The following BCLAF3 variants were observed in gnomAD, a reference collection of about 807,000 sequenced individuals.
BCLAF3 encodes transient octamer binding factor 1.
BCLAF3 carries 24 observed loss-of-function variants against 51.2 expected under a neutral mutation model. The observed-to-expected ratio is 0.47, with a 90% CI of 0.34 to 0.66. The LOEUF (loss-of-function observed/expected upper bound fraction) is 0.66. BCLAF3 is among the 30% of genes least tolerant of loss of function. The pLI is 0.01. For missense variants in BCLAF3, 465 were observed against 525.1 expected (o/e 0.89, Z 1.12); for synonymous variants, 152 against 176.6 (o/e 0.86, Z 1.10).
At chrX:19,976,651 A>G (rs756953430) in intron 1 of BCLAF3, among the ~76,000 whole-genome samples, 1 of 111,906 alleles carries the variant, frequency 8.9e-6, no homozygotes, top group Admixed American at 9.5e-5. Context: ...TCAGTCTCCC[A>G]AAGTGCTGAG....
At chrX:19,979,662 AC>A (rs1190130095) in intron 1 of BCLAF3, among the ~76,000 whole-genome samples, 3 of 110,872 alleles carry the variant, frequency 2.7e-5, no homozygotes, top group Admixed American at 9.8e-5. Flanking sequence ...TAAAAAACCT[AC>A]CTTGAATCAG....
intron 1 of BCLAF3, among the ~76,000 whole-genome samples, chrX:19,976,878 G>A (rs769444107): frequency 1.8e-5 from 2 of 111,550 alleles, no homozygotes; most frequent in Admixed American, 9.5e-5. Flanking sequence ...TGCATTGAAC[G>A]AGTCTATCAG....
chrX:19,961,595 G>GA (rs747198210), intron 4 of BCLAF3, among the ~76,000 whole-genome samples: 48 of 110,284 alleles, frequency 4.4e-4, no homozygotes, highest in South Asian at 1.5e-3. Context: ...CTCTTTTCTA[G>GA]AAAAAAAAAT....
At chrX:19,978,759 A>ATT (rs57157445) in intron 1 of BCLAF3, among the ~76,000 whole-genome samples, 99 of 104,813 alleles carry the variant, frequency 9.4e-4, no homozygotes, top group African/African-American at 3.1e-3. Flanking sequence ...TCTCTTATTT[A>ATT]TTTTTTTTTT....
chrX:19,973,387 T>C (rs1237259641), intron 1 of BCLAF3, among the ~76,000 whole-genome samples: 2 of 111,866 alleles, frequency 1.8e-5, no homozygotes, highest in Admixed American at 1.9e-4. Flanking sequence ...GTTTTATTTA[T>C]AATAGGAAAG....
intron 8 of BCLAF3, among the ~76,000 whole-genome samples, chrX:19,938,838 A>G (rs2070883344): frequency 1.8e-5 from 2 of 112,869 alleles, no homozygotes; most frequent in Non-Finnish European, 3.7e-5. Context: ...CTCTTCAAGG[A>G]AGAGTTTCCT....
At chrX:19,963,779 C>T (rs768238362) in intron 4 of BCLAF3, among the ~76,000 whole-genome samples, 1 of 111,084 alleles carries the variant, frequency 9.0e-6, no homozygotes, top group African/African-American at 3.3e-5. Context: ...TCTGGGAGGC[C>T]GAGGCGAGAG....
intron 1 of BCLAF3, among the ~76,000 whole-genome samples, chrX:19,988,555 C>G (rs990798272): frequency 9.0e-6 from 1 of 111,563 alleles, no homozygotes; most frequent in African/African-American, 3.3e-5. Context: ...GAGAATCGCT[C>G]GAGCTCAGGA....
intron 11 of BCLAF3, among the ~76,000 whole-genome samples, chrX:19,926,204 A>C (rs1032736954): frequency 8.9e-6 from 1 of 111,736 alleles, no homozygotes; most frequent in African/African-American, 3.3e-5. Flanking sequence ...AATTTAAAAA[A>C]AAATCCAGTG....
At chrX:19,953,677 C>T in intron 6 of BCLAF3, 101 bp downstream of exon 6, 1 of 544,651 alleles carries the variant, frequency 1.8e-6, no homozygotes, top group Non-Finnish European at 2.9e-6. Context: ...CAGTCTACAG[C>T]AAGCCCAAGT....
chrX:19,933,313 C>T (rs181556228), intron 10 of BCLAF3, among the ~76,000 whole-genome samples: 42 of 111,934 alleles, frequency 3.8e-4, no homozygotes, highest in African/African-American at 1.3e-3. Flanking sequence ...AAGACTTGCC[C>T]ACAGAAATAG....
At chrX:19,933,638 C>T (rs1171860826) in intron 10 of BCLAF3, among the ~76,000 whole-genome samples, 4 of 112,511 alleles carry the variant, frequency 3.6e-5, no homozygotes, top group African/African-American at 9.7e-5. Context: ...AGACTATCTG[C>T]ACAAACTTGA....
intron 10 of BCLAF3, among the ~76,000 whole-genome samples, chrX:19,934,218 A>AT (rs917676090): frequency 2.7e-5 from 3 of 112,400 alleles, no homozygotes; most frequent in African/African-American, 9.7e-5. Flanking sequence ...TCTTGAAAAC[A>AT]TTTTTCTATG....
chrX:19,951,069 C>T (rs2071458092), intron 7 of BCLAF3, among the ~76,000 whole-genome samples: 1 of 111,164 alleles, frequency 9.0e-6, no homozygotes, highest in Non-Finnish European at 1.9e-5. Flanking sequence ...AACCAGGATT[C>T]CCACTTGTGG....
intron 4 of BCLAF3, among the ~76,000 whole-genome samples, chrX:19,962,610 T>A (rs1308038781): frequency 8.9e-6 from 1 of 112,331 alleles, no homozygotes; most frequent in Non-Finnish European, 1.9e-5. Context: ...TGTACTGACA[T>A]CTGCAACTTA....
At chrX:19,989,119 T>C (rs376169627) in intron 1 of BCLAF3, among the ~76,000 whole-genome samples, 2 of 108,277 alleles carry the variant, frequency 1.8e-5, no homozygotes, top group Non-Finnish European at 3.8e-5. Context: ...CAGAGGGAAA[T>C]TGAGCAATTC....
intron 1 of BCLAF3, among the ~76,000 whole-genome samples, chrX:19,981,253 A>G (rs1174752651): frequency 8.9e-6 from 1 of 112,231 alleles, no homozygotes; most frequent in African/African-American, 3.2e-5. Flanking sequence ...AGTTAAATCT[A>G]TAAAACTTAG....
At position 19,990,891 on chromosome X, in the gene BCLAF3, C is replaced by T. The variant is rs1205636780; in HGVS notation, c.-35+17G>A. Among the ~76,000 whole-genome samples, 1 of 107,299 alleles carries T rather than the reference C, an allele frequency of 9.3e-6. No homozygotes were observed. The highest frequency in any genetic ancestry group is 2.0e-5 in the Non-Finnish European group (1 of 51,249). The allele number at this position is 107,299 out of a possible 115,157, so 93.2% of individuals were successfully genotyped here. ...GGGCCCAGGCCTCCTCGCCCCGCCT[C>T]CCCCCGAGCCGCTCACCCGGCCGGG... On this transcript the variant is annotated intron_variant, in intron 1 of 11. Coordinates refer to ENST00000379682, the MANE Select transcript of BCLAF3 (RefSeq NM_001367774.2).
chrX:19,964,182 G>C (rs766880154), intron 4 of BCLAF3, among the ~76,000 whole-genome samples: 2 of 109,792 alleles, frequency 1.8e-5, no homozygotes, highest in Admixed American at 1.9e-4. Context: ...AATCAACATG[G>C]CCCCCCCCTT....
Sources: gnomAD v4.1 joint callset for allele counts (sites outside exome capture counted in the v4.1 genomes callset) on GRCh38, gnomAD v4.1.1 for gene constraint, MANE v1.5 for transcripts, NCBI Gene and HGNC (gene_info 2026-07-23, HGNC 2026-07-21) for gene names.